Variants in ZNF264 observed in about 807,000 individuals in gnomAD.
ZNF264 encodes the protein zinc finger protein 264.
In ZNF264, 11 loss-of-function variants were observed where a neutral mutation model predicts 11.2. That is an observed-to-expected ratio of 0.98 (90% CI 0.62 to 1.63). ZNF264 has a LOEUF of 1.63. Ranked by LOEUF, ZNF264 falls within the 40% of genes most tolerant of loss-of-function variation. The probability of loss-of-function intolerance (pLI) is 0.00; values close to 1 mark genes in which losing one functional copy is unlikely to be tolerated. For missense variants in ZNF264, 752 were observed against 768.1 expected (o/e 0.98, Z 0.25); for synonymous variants, 309 against 279.8 (o/e 1.10, Z -1.04).
At chr19:57,206,964 C>T (rs984324950) in intron 3 of ZNF264, among the ~76,000 whole-genome samples, 4 of 142,846 alleles carry the variant, frequency 2.8e-5, no homozygotes, top group African/African-American at 5.3e-5. Context: ...CCTCTGCCCG[C>T]GTGGGTTCCT....
In ZNF264 at chr19:57,213,808, T is replaced by C. The variant is rs2087359707; in HGVS notation, c.*827T>C. On this transcript the variant is annotated 3_prime_UTR_variant, in exon 4 of 4. Coordinates refer to ENST00000263095, the MANE Select transcript of ZNF264 (RefSeq NM_003417.5). ...ATTAATCTGTTAAGAATTGGTATCT[T>C]TACTATGTTGGGTCTTGTAGTTCAT... 6.6e-6 allele frequency: 1 copy of C among 152,210 alleles called. No homozygotes were observed. The highest frequency in any genetic ancestry group is 2.1e-4 in the South Asian group (1 of 4,834). 9.4% of individuals were successfully genotyped at this position (152,210 alleles called of 1,614,324 possible).
chr19:57,204,716 C>A (rs929778219), intron 2 of ZNF264, among the ~76,000 whole-genome samples: 3 of 152,154 alleles, frequency 2.0e-5, no homozygotes, highest in African/African-American at 4.8e-5. Flanking sequence ...CAAAACAGCA[C>A]CTGGGAGACC....
In ZNF264 at chr19:57,200,556, G is replaced by GTCTCTTGTGTCTTGTGTCT. The variant is rs1310165649; in HGVS notation, c.161-4840_161-4839insCTCTTGTGTCTTGTGTCTT. ...CTTTGTCTCTTGTCTCTTGTGTCTT[G>GTCTCTTGTGTCTTGTGTCT]TGTCTTGTCTTGTCTTGTCTTGTCT... On this transcript the variant is annotated intron_variant, in intron 2 of 3. Coordinates refer to ENST00000263095, the MANE Select transcript of ZNF264 (RefSeq NM_003417.5). Among the ~76,000 whole-genome samples the GTCTCTTGTGTCTTGTGTCT allele has an allele frequency of 2.9e-4, 43 of 147,432 alleles. 1 individual carries two copies. Among genetic ancestry groups the GTCTCTTGTGTCTTGTGTCT allele is most frequent in the African/African-American group, 9.1e-4 (36 of 39,522 alleles).
At chr19:57,208,937 T>A (rs1424156315) in intron 3 of ZNF264, among the ~76,000 whole-genome samples, 1 of 152,238 alleles carries the variant, frequency 6.6e-6, no homozygotes, top group African/African-American at 2.4e-5. Context: ...AGCAACTTAC[T>A]ATGATTTTTG....
At chr19:57,198,965 CTT>C (rs2087231941) in intron 2 of ZNF264, among the ~76,000 whole-genome samples, 1 of 151,854 alleles carries the variant, frequency 6.6e-6, no homozygotes, top group African/African-American at 2.4e-5. Flanking sequence ...TCAAATTAGT[CTT>C]TTGTCCATTC....
chr19:57,196,111 A>G (rs2087209959), intron 2 of ZNF264, among the ~76,000 whole-genome samples: 1 of 151,904 alleles, frequency 6.6e-6, no homozygotes, highest in Non-Finnish European at 1.5e-5. Flanking sequence ...TATGACTACA[A>G]AAGGTCATTC....
intron 2 of ZNF264, among the ~76,000 whole-genome samples, chr19:57,196,894 A>T (rs1367474782): frequency 6.6e-6 from 1 of 151,794 alleles, no homozygotes; most frequent in Non-Finnish European, 1.5e-5. Context: ...ATAATTACAC[A>T]TCTTCTCATT....
At position 57,200,452 on chromosome 19, in the gene ZNF264, GA is replaced by G. The variant is rs573593161; in HGVS notation, c.161-4933del. 3.7e-3 allele frequency among the ~76,000 whole-genome samples: 478 copies of G among 127,626 alleles called. 8 individuals carry two copies. The highest frequency in any genetic ancestry group is 0.021 in the East Asian group (79 of 3,830). The allele number at this position is 127,626 out of a possible 152,430, so 83.7% of individuals were successfully genotyped here. On this transcript the variant is annotated intron_variant, in intron 2 of 3. Coordinates refer to ENST00000263095, the MANE Select transcript of ZNF264 (RefSeq NM_003417.5). ...TGAGACCCTGTCTCTAAAATAAATT[GA>G]AAAAAAAAAAAGCCACTCAGTACCC...
At position 57,191,795 on chromosome 19, in the gene ZNF264, G is replaced by A; in HGVS notation, c.-119G>A. On this transcript the variant is annotated 5_prime_UTR_variant, in exon 1 of 4. Coordinates refer to ENST00000263095, the MANE Select transcript of ZNF264 (RefSeq NM_003417.5). ...CTGGAACGCCGTTGCCACCGAGGAG[G>A]CGGCGGCCCCGAGCGCGCCTGGAAG... The A allele has an allele frequency of 2.7e-6, 2 of 735,936 alleles. No individual in the cohort carries two copies. Among genetic ancestry groups the A allele is most frequent in the Non-Finnish European group, 3.7e-6 (2 of 533,456 alleles). The allele number at this position is 735,936 out of a possible 1,614,324, so 45.6% of individuals were successfully genotyped here. A position where few individuals can be genotyped will look rare whatever the true frequency, so the allele number is the denominator to read the frequency against.
intron 3 of ZNF264, among the ~76,000 whole-genome samples, chr19:57,205,880 C>G (rs2087288357): frequency 6.6e-6 from 1 of 152,168 alleles, no homozygotes; most frequent in Non-Finnish European, 1.5e-5. Context: ...CAGACAGATT[C>G]TAAAATCTCA....
intron 1 of ZNF264, chr19:57,192,314 AAG>A: frequency 1.0e-6 from 1 of 983,476 alleles, no homozygotes; most frequent in Non-Finnish European, 1.2e-6. Flanking sequence ...TTGTATGTTT[AAG>A]GAGGCTCAGG....
Position 57,219,123 on chromosome 19 carries a change from A to C in ZNF264, c.*6142A>C, listed in dbSNP as rs1170213907. 1 of 151,642 alleles carries C rather than the reference A, an allele frequency of 6.6e-6. No individual in the cohort carries two copies. Among genetic ancestry groups the C allele is most frequent in the Non-Finnish European group, 1.5e-5 (1 of 68,168 alleles). The allele number at this position is 151,642 out of a possible 1,614,324, so 9.4% of individuals were successfully genotyped here. A position where few individuals can be genotyped will look rare whatever the true frequency, so the allele number is the denominator to read the frequency against. ...CACTGAGCTGAGATCGTGCCACTGC[A>C]CTCCAGCCTGGGCAACAGAGCGAGA... is the stretch of plus-strand genomic sequence containing the variant. On this transcript the variant is annotated 3_prime_UTR_variant, in exon 4 of 4. Transcript: ENST00000263095.
rs141535318 is a variant in ZNF264 at position 57,214,237 on chromosome 19, T to G, written c.*1256T>G. The G allele has an allele frequency of 6.6e-6, 1 of 152,230 alleles. No homozygotes were observed. The highest frequency in any genetic ancestry group is 1.5e-5 in the Non-Finnish European group (1 of 68,048). 9.4% of individuals were successfully genotyped at this position (152,230 alleles called of 1,614,324 possible). A position where few individuals can be genotyped will look rare whatever the true frequency, so the allele number is the denominator to read the frequency against. ...TTTTATTTCCTTTTTGTTTGTCTTA[T>G]TGCATTGCACAAGCTGGGACTTCCA... On this transcript the variant is annotated 3_prime_UTR_variant, in exon 4 of 4. Transcript: ENST00000263095.
chr19:57,194,310 A>G, intron 2 of ZNF264: 1 of 443,162 alleles, frequency 2.3e-6, no homozygotes, highest in East Asian at 3.5e-5. Flanking sequence ...AACCACCACG[A>G]TGGTGTCCTG....
chr19:57,215,646 A>T lies in ZNF264; in HGVS notation c.*2665A>T, dbSNP rs2087375057. On this transcript the variant is annotated 3_prime_UTR_variant, in exon 4 of 4. Coordinates refer to ENST00000263095, the MANE Select transcript of ZNF264 (RefSeq NM_003417.5). The stretch of plus-strand genomic sequence containing the variant: ...GATTTGAGATTTTTTTGCTTTTTTA[A>T]TGTAAGCATTACATTGTATAAATTT... 1 of 152,048 alleles carries T rather than the reference A, an allele frequency of 6.6e-6. No homozygotes were observed. The highest frequency in any genetic ancestry group is 1.5e-5 in the Non-Finnish European group (1 of 67,994). The allele number at this position is 152,048 out of a possible 1,614,324, so 9.4% of individuals were successfully genotyped here. A position where few individuals can be genotyped will look rare whatever the true frequency, so the allele number is the denominator to read the frequency against.
Position 57,198,161 on chromosome 19 carries a change from G to A in ZNF264, c.160+4160G>A, listed in dbSNP as rs565135418. On this transcript the variant is annotated intron_variant, in intron 2 of 3. Transcript: ENST00000263095. ...AGAAAAAGGCATTTGCCAAGTCAGC[G>A]GCTGCATACCAGGTACCAGGAGATG... Among the ~76,000 whole-genome samples, 240 of 152,116 alleles carry A rather than the reference G, an allele frequency of 1.6e-3. 9 individuals are homozygous for A. The highest frequency in any genetic ancestry group is 5.6e-3 in the African/African-American group (233 of 41,348).
rs953650496 is a variant in ZNF264, at chr19:57,212,920, C to T, written c.1823C>T (p.Thr608Ile). Residue 608 changes from threonine to isoleucine, a missense_variant, in exon 4 of 4, where the codon ACA becomes ATA. Thr to Ile is a moderately conservative substitution (Grantham distance 89). Transcript: ENST00000263095. ...GAGGCAAATATTTTGCCAGAGGAAA[C>T]ATCTTCCTCTGCATCTGATCAACCA... ...TTEANILPEE[T>I]SSSASDQPYQ... The T allele has an allele frequency of 2.5e-6, 4 of 1,614,152 alleles. No homozygotes were observed. The highest frequency in any genetic ancestry group is 1.3e-5 in the African/African-American group (1 of 75,048).
At position 57,211,811 on chromosome 19, in the gene ZNF264, A is replaced by G; in HGVS notation, c.714A>G (p.Lys238=). Residue 238 remains lysine, a synonymous_variant, in exon 4 of 4, where the codon AAA becomes AAG. Transcript: ENST00000263095. ...CCTATGAATGCACAGAATGTGGGAAAACCTTTATTAAGAGCACACATCTCC... is the reference window on the plus strand; with the variant it reads ...CCTATGAATGCACAGAATGTGGGAAGACCTTTATTAAGAGCACACATCTCC... The part of the protein sequence containing the change: ...VKPYECTECG[K]TFIKSTHLLQ... 2 of 1,614,200 alleles carry G rather than the reference A, an allele frequency of 1.2e-6. No individual in the cohort carries two copies.
rs1038965156 is a variant in ZNF264, at chr19:57,221,342, C to T, written c.*8361C>T. Reference sequence around the variant, plus strand: ...GGGATTACAGGCGTGAGCCACCGCACCTGGCCTACCTGGGCTTTTTTGGAC... The same window carrying T: ...GGGATTACAGGCGTGAGCCACCGCATCTGGCCTACCTGGGCTTTTTTGGAC... On this transcript the variant is annotated 3_prime_UTR_variant, in exon 4 of 4. Transcript: ENST00000263095. 6.6e-6 allele frequency: 1 copy of T among 152,098 alleles called. No individual in the cohort carries two copies. The highest frequency in any genetic ancestry group is 6.5e-5 in the Admixed American group (1 of 15,268). The allele number at this position is 152,098 out of a possible 1,614,324, so 9.4% of individuals were successfully genotyped here.
Sources: allele counts gnomAD v4.1 joint callset (sites outside exome capture counted in the v4.1 genomes callset), GRCh38; gene constraint gnomAD v4.1.1; transcripts MANE v1.5; gene names NCBI Gene and HGNC (gene_info 2026-07-23, HGNC 2026-07-21).